Variants in TTC23 observed in about 807,000 individuals in gnomAD.
TTC23 encodes tetratricopeptide repeat domain 23.
Under a neutral mutation model 55.1 loss-of-function variants are expected in TTC23, and 58 were observed. The ratio of observed to expected loss-of-function variants is 1.05; its 90% CI spans 0.85 to 1.31. The LOEUF (loss-of-function observed/expected upper bound fraction) is 1.31, where lower values mean the gene tolerates loss of function less well. TTC23 is among the 50% of genes most tolerant of loss of function. TTC23 has a pLI of 0.00. For missense variants in TTC23, 516 were observed against 534.4 expected, an observed-to-expected ratio of 0.97 and a Z score of 0.34; for synonymous variants, 203 against 199.9, an observed-to-expected ratio of 1.02 and a Z score of -0.13.
chr15:99,241,604 G>C (rs1390527603), intron 2 of TTC23, 45 bp from the exon 3 acceptor site: 1 of 152,358 alleles, frequency 6.6e-6, no homozygotes, highest in Non-Finnish European at 1.5e-5. Flanking sequence ...CCAGATCAGG[G>C]TGTTAGGAAG....
At chr15:99,243,180 A>G (rs1050971526) in intron 2 of TTC23, among the ~76,000 whole-genome samples, 1 of 152,378 alleles carries the variant, frequency 6.6e-6, no homozygotes, top group African/African-American at 2.4e-5. Context: ...AATCTGATTA[A>G]AAAGTGAGCA....
intron 9 of TTC23, among the ~76,000 whole-genome samples, chr15:99,193,583 T>G (rs889198026): frequency 2.6e-5 from 4 of 152,226 alleles, no homozygotes; most frequent in African/African-American, 9.7e-5. Context: ...TTAAACCTCT[T>G]TCTTTTGTAA....
chr15:99,168,671 A>G (rs1402207822), intron 10 of TTC23, among the ~76,000 whole-genome samples: 2 of 152,174 alleles, frequency 1.3e-5, no homozygotes, highest in African/African-American at 2.4e-5. Flanking sequence ...CTCAGACACA[A>G]TGAAGGGACA....
chr15:99,201,572 T>C (rs2076203563), intron 8 of TTC23, among the ~76,000 whole-genome samples: 1 of 152,310 alleles, frequency 6.6e-6, no homozygotes, highest in East Asian at 1.9e-4. Context: ...ACTTTTCGGA[T>C]CTGTGGTCCA....
Position 99,200,071 on chromosome 15 carries a change from T to C in TTC23, c.607A>G (p.Lys203Glu), listed in dbSNP as rs575470093. 2.5e-6 allele frequency: 4 copies of C among 1,611,952 alleles called. No homozygotes were observed. The highest frequency in any genetic ancestry group is 2.2e-5 in the South Asian group (2 of 90,594). Residue 203 changes from lysine (K) to glutamate (E), a missense_variant, in exon 9 of 14, where the codon AAA becomes GAA. Lys to Glu is a moderately conservative substitution (Grantham distance 56, BLOSUM62 1). Transcript: ENST00000394132. ...GCTTGATAGTGGGACAAAGCTTCTT[T>C]TGACTTCTTCTGACCTTGATACACC... ...AQVYQGQKKS[K>E]EALSHYQAAL...
chr15:99,201,851 A>G (rs2076227114), intron 8 of TTC23, among the ~76,000 whole-genome samples: 1 of 152,176 alleles, frequency 6.6e-6, no homozygotes. Flanking sequence ...ATATTTGAAG[A>G]GAAAACCCAT....
At chr15:99,191,769 A>C (rs571937436) in intron 9 of TTC23, among the ~76,000 whole-genome samples, 237 of 152,328 alleles carry the variant, frequency 1.6e-3, no homozygotes, top group African/African-American at 5.4e-3. Flanking sequence ...AAAGATACCC[A>C]AAAATGTGGA....
At chr15:99,139,592 C>G (rs2067981213) in intron 12 of TTC23, 193 bp from the exon 13 acceptor site, 1 of 1,535,072 alleles carries the variant, frequency 6.5e-7, no homozygotes, top group African/African-American at 1.4e-5. Flanking sequence ...CAAAAGTGAA[C>G]AGTTTTAGCA....
At chr15:99,186,882 A>G (rs1343271307) in intron 9 of TTC23, among the ~76,000 whole-genome samples, 1 of 152,076 alleles carries the variant, frequency 6.6e-6, no homozygotes. Flanking sequence ...TCCCAAATTG[A>G]GATACAGATT....
At chr15:99,238,378 G>C (rs2079496339) in intron 3 of TTC23, among the ~76,000 whole-genome samples, 1 of 152,086 alleles carries the variant, frequency 6.6e-6, no homozygotes, top group Non-Finnish European at 1.5e-5. Flanking sequence ...ATGTAAAATG[G>C]AGCAGGAAAA....
intron 5 of TTC23, among the ~76,000 whole-genome samples, chr15:99,226,577 A>C (rs1365136959): frequency 6.6e-6 from 1 of 152,228 alleles, no homozygotes; most frequent in Non-Finnish European, 1.5e-5. Context: ...ACTTAGCTTG[A>C]AACCTGCAAG....
At chr15:99,168,365 G>GA (rs755292719) in intron 10 of TTC23, among the ~76,000 whole-genome samples, 127 of 152,310 alleles carry the variant, frequency 8.3e-4, no homozygotes, top group Non-Finnish European at 8.8e-5. Flanking sequence ...TCACCACCAG[G>GA]AAAGTGACCA....
chr15:99,220,053 T>C (rs2077794327), intron 6 of TTC23, among the ~76,000 whole-genome samples: 1 of 152,192 alleles, frequency 6.6e-6, no homozygotes, highest in African/African-American at 2.4e-5. Context: ...ACAAAGCATG[T>C]TGGACTGTAT....
intron 10 of TTC23, among the ~76,000 whole-genome samples, chr15:99,170,909 GCCTTTCCCACATCT>G (rs1343298881): frequency 1.3e-5 from 2 of 152,248 alleles, no homozygotes; most frequent in Non-Finnish European, 2.9e-5. Context: ...CTCTTTTCCA[GCCTTTCCCACATCT>G]GCCACTGTGG....
chr15:99,222,595 A>G (rs1430382558), intron 5 of TTC23, among the ~76,000 whole-genome samples: 1 of 152,254 alleles, frequency 6.6e-6, no homozygotes, highest in Non-Finnish European at 1.5e-5. Flanking sequence ...TAAAGCAGCA[A>G]GAAGCACAGT....
intron 8 of TTC23, among the ~76,000 whole-genome samples, chr15:99,215,618 C>A (rs978691968): frequency 3.9e-5 from 6 of 151,982 alleles, no homozygotes; most frequent in Non-Finnish European, 7.4e-5. Flanking sequence ...TGGTGGCACA[C>A]ACCTGTAGTC....
At chr15:99,201,064 T>C (rs978841176) in intron 8 of TTC23, among the ~76,000 whole-genome samples, 5 of 152,252 alleles carry the variant, frequency 3.3e-5, no homozygotes, top group Non-Finnish European at 5.9e-5. Context: ...GCCATTGCTA[T>C]GTTAGCAATA....
intron 9 of TTC23, among the ~76,000 whole-genome samples, chr15:99,198,249 C>T (rs1180842919): frequency 1.3e-5 from 2 of 152,214 alleles, no homozygotes; most frequent in Non-Finnish European, 2.9e-5. Context: ...TAAAACACAG[C>T]TTGCCATCTC....
intron 6 of TTC23, among the ~76,000 whole-genome samples, chr15:99,219,376 T>G (rs2077729963): frequency 6.6e-6 from 1 of 152,212 alleles, no homozygotes; most frequent in East Asian, 1.9e-4. Context: ...ACAAGAACTA[T>G]AGCATTCTGA....
Sources: allele counts gnomAD v4.1 joint callset (sites outside exome capture counted in the v4.1 genomes callset), GRCh38; gene constraint gnomAD v4.1.1; transcripts MANE v1.5; gene names NCBI Gene and HGNC (gene_info 2026-07-23, HGNC 2026-07-21).